The following GPATCH2 variants were observed in gnomAD, a reference collection of about 807,000 sequenced individuals.
GPATCH2 encodes G-patch domain containing 2.
A neutral mutation model predicts 58.0 loss-of-function variants in GPATCH2; 51 were observed. The ratio of observed to expected loss-of-function variants is 0.88; its 90% CI spans 0.70 to 1.11. The LOEUF is 1.11. Among genes scored for constraint, GPATCH2 ranks in the 50% most tolerant of loss-of-function variants. The pLI is 0.00. For missense variants in GPATCH2, 625 were observed against 652.2 expected (o/e 0.96, Z 0.45); for synonymous variants, 222 against 218.5 (o/e 1.02, Z -0.14).
intron 5 of GPATCH2, among the ~76,000 whole-genome samples, chr1:217,531,921 A>G (rs1400059444): frequency 1.3e-5 from 2 of 152,224 alleles, no homozygotes; most frequent in African/African-American, 4.8e-5. Flanking sequence ...TATAATTAAG[A>G]AACTGGAAAT....
intron 8 of GPATCH2, among the ~76,000 whole-genome samples, chr1:217,463,878 T>C (rs1660318561): frequency 6.6e-6 from 1 of 152,112 alleles, no homozygotes; most frequent in African/African-American, 2.4e-5. Flanking sequence ...CAGGTTTTTC[T>C]GGCCAGAATG....
rs1187552043 is a variant in GPATCH2, at chr1:217,611,735, A to C, written c.836-664T>G. 3.9e-5 allele frequency among the ~76,000 whole-genome samples: 6 copies of C among 152,358 alleles called. No individual in the cohort carries two copies. The East Asian group carries it at 1.2e-3, about 29-fold the overall frequency. ...GAAATTAATCCAATTAAGCTCATTA[A>C]GAAATAGTTTTGAAAAAGTTGATTT... On this transcript the variant is annotated intron_variant, in intron 3 of 9. Coordinates refer to ENST00000366935, the MANE Select transcript of GPATCH2 (RefSeq NM_018040.5).
At chr1:217,543,934 A>C (rs562820635) in intron 5 of GPATCH2, among the ~76,000 whole-genome samples, 42 of 152,302 alleles carry the variant, frequency 2.8e-4, no homozygotes, top group African/African-American at 1.0e-3. Context: ...CGCTTGGCTA[A>C]CAGTTGTATT....
intron 8 of GPATCH2, among the ~76,000 whole-genome samples, chr1:217,457,658 T>C (rs188176459): frequency 9.9e-4 from 151 of 152,198 alleles, no homozygotes; most frequent in African/African-American, 3.5e-3. Flanking sequence ...CATCTGAAAA[T>C]TGCCATTATG....
intron 9 of GPATCH2, among the ~76,000 whole-genome samples, chr1:217,434,855 C>T (rs1373034918): frequency 6.6e-6 from 1 of 152,094 alleles, no homozygotes; most frequent in Non-Finnish European, 1.5e-5. Context: ...GAAAAGAACT[C>T]ATTCTCATTT....
intron 9 of GPATCH2, among the ~76,000 whole-genome samples, chr1:217,444,153 T>C (rs993400242): frequency 6.6e-6 from 1 of 152,200 alleles, no homozygotes; most frequent in South Asian, 2.1e-4. Context: ...AGTTTTCTAT[T>C]TGGAGCCCAG....
At chr1:217,602,991 G>A (rs990836766) in intron 5 of GPATCH2, among the ~76,000 whole-genome samples, 2 of 151,942 alleles carry the variant, frequency 1.3e-5, no homozygotes, top group African/African-American at 2.4e-5. Flanking sequence ...GCTTGTCAAA[G>A]GAAGAACATG....
chr1:217,583,710 GATAA>G (rs1449733514), intron 5 of GPATCH2, among the ~76,000 whole-genome samples: 1 of 151,584 alleles, frequency 6.6e-6, no homozygotes, highest in Non-Finnish European at 1.5e-5. Flanking sequence ...AAAAAAGCAG[GATAA>G]ATAAATTTAT....
chr1:217,614,331 A>ATT (rs960038587), intron 2 of GPATCH2, 129 bp from the exon 3 acceptor site: 11 of 559,582 alleles, frequency 2.0e-5, no homozygotes, highest in Middle Eastern at 3.3e-4. Context: ...AAATAAGATG[A>ATT]TTTTTTTTTT....
intron 8 of GPATCH2, among the ~76,000 whole-genome samples, chr1:217,479,472 T>C (rs1661119791): frequency 6.6e-6 from 1 of 152,062 alleles, no homozygotes. Context: ...AAAATAGTGT[T>C]TGCAAGCCTC....
chr1:217,596,811 T>C (rs1667852432), intron 5 of GPATCH2, among the ~76,000 whole-genome samples: 1 of 152,180 alleles, frequency 6.6e-6, no homozygotes, highest in Non-Finnish European at 1.5e-5. Flanking sequence ...AAGGACTTCC[T>C]ACTGGATACT....
chr1:217,460,350 T>C (rs1412345508), intron 8 of GPATCH2, among the ~76,000 whole-genome samples: 1 of 152,264 alleles, frequency 6.6e-6, no homozygotes, highest in Non-Finnish European at 1.5e-5. Flanking sequence ...GAAAACGTAA[T>C]GTATGCCATG....
chr1:217,448,396 T>C (rs1209906255), intron 9 of GPATCH2, among the ~76,000 whole-genome samples: 3 of 152,224 alleles, frequency 2.0e-5, no homozygotes, highest in African/African-American at 7.2e-5. Flanking sequence ...CATTTTCTCA[T>C]ACAGCTTGCT....
chr1:217,590,649 G>A (rs894076759), intron 5 of GPATCH2, among the ~76,000 whole-genome samples: 1 of 152,092 alleles, frequency 6.6e-6, no homozygotes, highest in South Asian at 2.1e-4. Flanking sequence ...TATTCGACCA[G>A]GGAATGCACT....
chr1:217,609,207 TC>T lies in GPATCH2; in HGVS notation c.1098+1113del, dbSNP rs1326974532. ...TACCATCAATAGAAACATTACATTT[TC>T]CCCCCAGTTGGTGAAAATGAGCTCA... is the stretch of plus-strand genomic sequence containing the variant. On this transcript the variant is annotated intron_variant, in intron 5 of 9. Transcript: ENST00000366935. 7 of 983,702 alleles carry T rather than the reference TC, an allele frequency of 7.1e-6. No individual in the cohort carries two copies. The African/African-American group carries it at 1.0e-4, about 15-fold the overall frequency. 60.9% of individuals were successfully genotyped at this position (983,702 alleles called of 1,614,324 possible).
chr1:217,523,922 C>T (rs1485359361), intron 5 of GPATCH2, among the ~76,000 whole-genome samples: 10 of 110,802 alleles, frequency 9.0e-5, no homozygotes, highest in Admixed American at 4.4e-4. Context: ...ACCTCCCTCC[C>T]GGACGGGGCA....
chr1:217,518,647 A>T (rs921544637), intron 5 of GPATCH2, among the ~76,000 whole-genome samples: 3 of 152,230 alleles, frequency 2.0e-5, no homozygotes, highest in Non-Finnish European at 4.4e-5. Context: ...AATATGGATG[A>T]TATCTTACTT....
At chr1:217,558,873 T>C (rs1478157098) in intron 5 of GPATCH2, among the ~76,000 whole-genome samples, 3 of 152,174 alleles carry the variant, frequency 2.0e-5, no homozygotes, top group Non-Finnish European at 4.4e-5. Context: ...AAGTCATCCC[T>C]GACTACTACT....
At chr1:217,452,171 C>A (rs1659697716) in intron 8 of GPATCH2, among the ~76,000 whole-genome samples, 2 of 152,170 alleles carry the variant, frequency 1.3e-5, no homozygotes, top group South Asian at 2.1e-4. Flanking sequence ...ACGGTTGAGA[C>A]TGAAGAGGGA....
Sources: gnomAD v4.1 joint callset for allele counts (sites outside exome capture counted in the v4.1 genomes callset) on GRCh38, gnomAD v4.1.1 for gene constraint, MANE v1.5 for transcripts, NCBI Gene and HGNC (gene_info 2026-07-23, HGNC 2026-07-21) for gene names.